Variants in SIPA1L2 observed in about 807,000 individuals in gnomAD.
SIPA1L2 encodes signal-induced proliferation-associated 1-like protein 2.
Under a neutral mutation model 163.9 loss-of-function variants are expected in SIPA1L2, and 56 were observed. The ratio of observed to expected loss-of-function variants is 0.34; its 90% confidence interval spans 0.28 to 0.43. The LOEUF (loss-of-function observed/expected upper bound fraction) is 0.43, where lower values mean the gene tolerates loss of function less well. Ranked by LOEUF, SIPA1L2 falls within the 20% of genes least tolerant of loss-of-function variation. The pLI, the probability that SIPA1L2 is intolerant of heterozygous loss-of-function variation, is 1.00. For synonymous variants in SIPA1L2, 877 were observed against 865.7 expected (o/e 1.01, Z -0.23); for missense variants, 1,974 against 2,193.5 (o/e 0.90, Z 2.00).
intron 3 of SIPA1L2, among the ~76,000 whole-genome samples, chr1:232,495,080 A>C (rs2103003289): frequency 6.6e-6 from 1 of 152,358 alleles, no homozygotes; most frequent in African/African-American, 2.4e-5. Context: ...AAACAGAAAG[A>C]GATCAGCAAA....
chr1:232,615,378 A>G (rs1432512760), intron 1 of SIPA1L2, among the ~76,000 whole-genome samples: 1 of 152,242 alleles, frequency 6.6e-6, no homozygotes, highest in Non-Finnish European at 1.5e-5. Context: ...ACGTGAGCTC[A>G]TTAGAGAAGG....
intron 1 of SIPA1L2, among the ~76,000 whole-genome samples, chr1:232,625,324 T>G (rs1400884676): frequency 6.6e-6 from 1 of 152,202 alleles, no homozygotes; most frequent in East Asian, 1.9e-4. Context: ...TAAAAGAGTC[T>G]GATCTAATAA....
intron 2 of SIPA1L2, among the ~76,000 whole-genome samples, chr1:232,536,886 T>A (rs1657338659): frequency 6.6e-6 from 1 of 152,226 alleles, no homozygotes; most frequent in Non-Finnish European, 1.5e-5. Context: ...AGATGTTTTA[T>A]CTCAAAGAAT....
At chr1:232,553,382 G>A (rs982772492) in intron 2 of SIPA1L2, among the ~76,000 whole-genome samples, 6 of 152,028 alleles carry the variant, frequency 3.9e-5, no homozygotes, top group Non-Finnish European at 7.4e-5. Context: ...GGTACAGGAC[G>A]GGGGGGCGTA....
Position 232,514,709 on chromosome 1 carries a change from T to A in SIPA1L2, c.631A>T (p.Met211Leu). The A allele has an allele frequency of 6.2e-7, 1 of 1,614,150 alleles. No homozygotes were observed. The highest frequency in any genetic ancestry group is 1.1e-5 in the South Asian group (1 of 91,078). The change falls in exon 3 of 23, where the codon ATG (methionine) becomes TTG (leucine). Residue 211 changes from methionine to leucine, a missense_variant. Met to Leu is a conservative substitution (Grantham distance 15). Transcript: ENST00000674635. ...TTTTCTACTCGGTACCCTCTGAGCA[T>A]AGCAAAAAAGTTTTCACCAGATAAG... ...QGLSGENFFAMLRGYRVENYD... is the reference protein window; with the variant it reads ...QGLSGENFFALLRGYRVENYD...
intron 2 of SIPA1L2, among the ~76,000 whole-genome samples, chr1:232,523,639 T>G (rs771563431): frequency 1.8e-4 from 28 of 152,204 alleles, no homozygotes; most frequent in Non-Finnish European, 1.5e-4. Context: ...ATGAGCATTT[T>G]ATAAGAAAAC....
At chr1:232,489,630 T>C (rs1333570812) in intron 5 of SIPA1L2, among the ~76,000 whole-genome samples, 2 of 152,224 alleles carry the variant, frequency 1.3e-5, no homozygotes, top group African/African-American at 4.8e-5. Context: ...TCATCACTTT[T>C]AGAATTCTAG....
intron 1 of SIPA1L2, among the ~76,000 whole-genome samples, chr1:232,586,731 C>T (rs527486251): frequency 3.3e-5 from 5 of 152,316 alleles, no homozygotes; most frequent in South Asian, 2.1e-4. Context: ...ACACAGAAAA[C>T]AAGCAAACAT....
intron 1 of SIPA1L2, among the ~76,000 whole-genome samples, chr1:232,601,994 G>GAGGCAAAAA (rs1661619896): frequency 6.6e-6 from 1 of 152,178 alleles, no homozygotes; most frequent in Non-Finnish European, 1.5e-5. Flanking sequence ...TTCAGAGGGT[G>GAGGCAAAAA]CAAAGACAAA....
chr1:232,419,749 T>C (rs1345453391), intron 18 of SIPA1L2, among the ~76,000 whole-genome samples: 1 of 152,224 alleles, frequency 6.6e-6, no homozygotes, highest in Non-Finnish European at 1.5e-5. Context: ...ATCTCTTTTC[T>C]TATAAATTAC....
At chr1:232,455,701 C>T (rs1385542389) in intron 10 of SIPA1L2, among the ~76,000 whole-genome samples, 12 of 132,626 alleles carry the variant, frequency 9.0e-5, no homozygotes, top group Admixed American at 1.6e-4. Context: ...GGCAACAGAG[C>T]GAGACTCTGT....
intron 12 of SIPA1L2, among the ~76,000 whole-genome samples, chr1:232,443,040 C>A (rs1662996235): frequency 6.6e-6 from 1 of 152,176 alleles, no homozygotes; most frequent in African/African-American, 2.4e-5. Flanking sequence ...TCACAGTGGC[C>A]CCAGCAGACC....
rs71162242 is a variant in SIPA1L2, at chr1:232,465,517, TACAC to T, written c.2244-105_2244-102del. 15 of 562,844 alleles carry T rather than the reference TACAC, an allele frequency of 2.7e-5. No homozygotes were observed. Among genetic ancestry groups the T allele is most frequent in the South Asian group, 4.7e-5 (2 of 42,456 alleles). The allele number at this position is 562,844 out of a possible 1,614,324, so 34.9% of individuals were successfully genotyped here. ...ATATACACACACACACACATATACATACACACACACACACACATATACATACACA... is the reference window on the plus strand; with the variant it reads ...ATATACACACACACACACATATACATACACACACACACATATACATACACA... On this transcript the variant is annotated intron_variant, in intron 8 of 22. Coordinates refer to ENST00000674635, the MANE Select transcript of SIPA1L2 (RefSeq NM_020808.5). The surrounding 1 kb of genome is among the most constrained non-coding windows in gnomAD (Gnocchi z 4.1).
intron 9 of SIPA1L2, chr1:232,462,172 G>A (rs962107311): frequency 4.0e-6 from 6 of 1,487,186 alleles, no homozygotes; most frequent in Middle Eastern, 1.7e-4. Context: ...CACCACTAAT[G>A]CAGCCCTCAA....
At chr1:232,430,095 G>GT (rs1298119982) in intron 16 of SIPA1L2, among the ~76,000 whole-genome samples, 4 of 152,334 alleles carry the variant, frequency 2.6e-5, no homozygotes, top group South Asian at 2.1e-4. Flanking sequence ...GCCTGCCACC[G>GT]TGAGTAGTGA....
chr1:232,608,247 C>A (rs1395936054), intron 1 of SIPA1L2, among the ~76,000 whole-genome samples: 3 of 152,054 alleles, frequency 2.0e-5, no homozygotes, highest in Non-Finnish European at 2.9e-5. Flanking sequence ...AGGGTTTCAC[C>A]ATGGTGGTCA....
intron 12 of SIPA1L2, among the ~76,000 whole-genome samples, chr1:232,442,177 G>A (rs1020324742): frequency 1.3e-5 from 2 of 151,958 alleles, no homozygotes; most frequent in Admixed American, 1.3e-4. Context: ...GTACCTGCAA[G>A]CTACGGAGGA....
intron 6 of SIPA1L2, among the ~76,000 whole-genome samples, chr1:232,481,117 CA>C (rs1042400570): frequency 2.0e-5 from 3 of 150,806 alleles, no homozygotes; most frequent in South Asian, 2.1e-4. Flanking sequence ...TCAGCCCCGC[CA>C]AAAAAAAATT....
chr1:232,449,935 A>C (rs12739366), intron 10 of SIPA1L2, among the ~76,000 whole-genome samples: 24,645 of 152,244 alleles, frequency 0.16, 2,290 homozygotes, highest in Non-Finnish European at 0.21. Flanking sequence ...TAACTTGTCA[A>C]ATCCATAGTA....
Sources: allele counts gnomAD v4.1 joint callset (sites outside exome capture counted in the v4.1 genomes callset), GRCh38; gene constraint gnomAD v4.1.1; non-coding constraint Gnocchi (gnomAD v3.1); transcripts MANE v1.5; gene names NCBI Gene and HGNC (gene_info 2026-07-23, HGNC 2026-07-21).